Variants in FAM174A observed in about 807,000 individuals in gnomAD.
FAM174A encodes membrane protein FAM174A.
FAM174A carries 14 observed loss-of-function variants against 14.3 expected under a neutral mutation model. The observed-to-expected ratio is 0.98, with a 90% CI of 0.65 to 1.53. The LOEUF is 1.53. FAM174A is among the 40% of genes most tolerant of loss of function. The probability of loss-of-function intolerance (pLI) is 0.00; values close to 1 mark genes in which losing one functional copy is unlikely to be tolerated. For synonymous variants in FAM174A, 108 were observed against 111.4 expected (o/e 0.97, Z 0.19); for missense variants, 241 against 249.6 (o/e 0.97, Z 0.23).
At chr5:100,569,617 T>A (rs1269156923) in intron 2 of FAM174A, among the ~76,000 whole-genome samples, 2 of 151,866 alleles carry the variant, frequency 1.3e-5, no homozygotes, top group South Asian at 2.1e-4. Flanking sequence ...TAATGTGAAA[T>A]CAGTTTTAAT....
rs3088366 is a variant in FAM174A, at chr5:100,586,460, A to G, written c.*276A>G. ...AATTACTATAAAACGGTGTTTTCTGATCGGTTTTTGTTTCCTGCTTACCAT... is the reference window on the plus strand; with the variant it reads ...AATTACTATAAAACGGTGTTTTCTGGTCGGTTTTTGTTTCCTGCTTACCAT... On this transcript the variant is annotated 3_prime_UTR_variant, in exon 3 of 3. Transcript: ENST00000312637. 0.066 allele frequency: 14,794 copies of G among 225,526 alleles called. 737 individuals carry two copies. The highest frequency in any genetic ancestry group is 0.15 in the African/African-American group (6,561 of 44,390). The allele number at this position is 225,526 out of a possible 1,614,324, so 14.0% of individuals were successfully genotyped here.
chr5:100,585,388 G>A (rs1318560977), intron 2 of FAM174A, among the ~76,000 whole-genome samples: 2 of 151,842 alleles, frequency 1.3e-5, no homozygotes, highest in African/African-American at 4.8e-5. Context: ...TCCATTCATG[G>A]CATACTTTTT....
At chr5:100,573,507 A>C (rs75947383) in intron 2 of FAM174A, among the ~76,000 whole-genome samples, 5 of 152,076 alleles carry the variant, frequency 3.3e-5, no homozygotes, top group African/African-American at 1.2e-4. Flanking sequence ...ACCTAGGAAT[A>C]CAACTTACAA....
intron 2 of FAM174A, among the ~76,000 whole-genome samples, chr5:100,566,644 G>A (rs1386297920): frequency 6.6e-6 from 1 of 151,748 alleles, no homozygotes; most frequent in Non-Finnish European, 1.5e-5. Context: ...ATGTTGATTA[G>A]CATGATTGCA....
intron 2 of FAM174A, among the ~76,000 whole-genome samples, chr5:100,577,346 T>C (rs889789112): frequency 3.9e-5 from 6 of 152,240 alleles, no homozygotes; most frequent in Middle Eastern, 6.8e-3. Context: ...ACTTTAGTAA[T>C]TTCTGCCAAA....
intron 2 of FAM174A, among the ~76,000 whole-genome samples, chr5:100,568,742 AT>A (rs1274619003): frequency 6.6e-6 from 1 of 151,860 alleles, no homozygotes; most frequent in Non-Finnish European, 1.5e-5. Flanking sequence ...CTAAAAAAAA[AT>A]GAAAGTTTGC....
chr5:100,538,554 G>A (rs27885), intron 1 of FAM174A, among the ~76,000 whole-genome samples: 85,699 of 151,546 alleles, frequency 0.57, 26,558 homozygotes, highest in African/African-American at 0.81. Flanking sequence ...CAAGGAACAC[G>A]GTAGGGACAA....
At chr5:100,548,530 C>T (rs1003061253) in intron 1 of FAM174A, among the ~76,000 whole-genome samples, 2 of 151,916 alleles carry the variant, frequency 1.3e-5, no homozygotes, top group Non-Finnish European at 2.9e-5. Context: ...AATTTTTTGA[C>T]CTTCATTAAA....
At chr5:100,562,260 T>C (rs1746541154) in intron 2 of FAM174A, 72 bp downstream of exon 2, 1 of 1,376,406 alleles carries the variant, frequency 7.3e-7, no homozygotes, top group Admixed American at 2.5e-5. Context: ...AGAAGTAAAG[T>C]AGACTTTCAT....
intron 1 of FAM174A, among the ~76,000 whole-genome samples, chr5:100,547,266 TAGGG>T (rs541373424): frequency 1.6e-3 from 251 of 152,252 alleles, no homozygotes; most frequent in African/African-American, 5.7e-3. Context: ...TTCTGAGGAC[TAGGG>T]ACAGTGGACA....
chr5:100,540,558 T>G (rs906915735), intron 1 of FAM174A, among the ~76,000 whole-genome samples: 1 of 152,216 alleles, frequency 6.6e-6, no homozygotes, highest in African/African-American at 2.4e-5. Context: ...TAACAAGTAC[T>G]AGTTCGCAAG....
intron 2 of FAM174A, among the ~76,000 whole-genome samples, chr5:100,564,263 C>A (rs1405642132): frequency 1.3e-5 from 2 of 150,872 alleles, no homozygotes; most frequent in Non-Finnish European, 3.0e-5. Flanking sequence ...GACTAATACA[C>A]TGAACAACAC....
intron 1 of FAM174A, among the ~76,000 whole-genome samples, chr5:100,547,442 G>C (rs1205124885): frequency 6.6e-6 from 1 of 152,090 alleles, no homozygotes; most frequent in Non-Finnish European, 1.5e-5. Flanking sequence ...TTTGAAAACA[G>C]TCATGTTTTT....
At chr5:100,568,284 G>A (rs1746705587) in intron 2 of FAM174A, among the ~76,000 whole-genome samples, 1 of 151,752 alleles carries the variant, frequency 6.6e-6, no homozygotes, top group Non-Finnish European at 1.5e-5. Context: ...TTTTTTAAGT[G>A]CCTCCTTACT....
chr5:100,572,564 C>T (rs1333140170), intron 2 of FAM174A, among the ~76,000 whole-genome samples: 2 of 151,750 alleles, frequency 1.3e-5, no homozygotes, highest in East Asian at 3.9e-4. Flanking sequence ...ATTCATGTCC[C>T]TACAAAGGAC....
intron 1 of FAM174A, among the ~76,000 whole-genome samples, chr5:100,544,876 T>G (rs1340951550): frequency 6.6e-6 from 1 of 152,206 alleles, no homozygotes; most frequent in African/African-American, 2.4e-5. Context: ...GCAAAGTTTT[T>G]CTGAAAACAA....
intron 2 of FAM174A, among the ~76,000 whole-genome samples, chr5:100,585,273 A>G (rs1747105477): frequency 6.6e-6 from 1 of 152,194 alleles, no homozygotes; most frequent in African/African-American, 2.4e-5. Flanking sequence ...CACCATGTAT[A>G]GTCTGTGCTT....
At chr5:100,559,108 C>T (rs1035474843) in intron 1 of FAM174A, among the ~76,000 whole-genome samples, 5 of 152,116 alleles carry the variant, frequency 3.3e-5, no homozygotes, top group African/African-American at 1.2e-4. Flanking sequence ...GTGCTTCCTT[C>T]AGGAGCTCAT....
intron 2 of FAM174A, among the ~76,000 whole-genome samples, chr5:100,566,160 A>ATATATG (rs1372123367): frequency 7.3e-6 from 1 of 137,506 alleles, no homozygotes; most frequent in Admixed American, 7.3e-5. Flanking sequence ...ATATATATAT[A>ATATATG]TATATATATA....
Sources: allele counts gnomAD v4.1 joint callset (sites outside exome capture counted in the v4.1 genomes callset), GRCh38; gene constraint gnomAD v4.1.1; transcripts MANE v1.5; gene names NCBI Gene and HGNC (gene_info 2026-07-23, HGNC 2026-07-21).